IMMP2L: variants seen among roughly 807,000 people sequenced by gnomAD.
IMMP2L encodes mitochondrial inner membrane protease subunit 2.
In IMMP2L, 18 loss-of-function variants were observed where a neutral mutation model predicts 19.3. The ratio of observed to expected loss-of-function variants is 0.93; its 90% CI spans 0.64 to 1.38. IMMP2L has a LOEUF of 1.38. Among genes scored for constraint, IMMP2L ranks in the 40% most tolerant of loss-of-function variants. IMMP2L has a pLI of 0.00. For synonymous variants in IMMP2L, 76 were observed against 73.0 expected, an observed-to-expected ratio of 1.04 and a Z score of -0.21; for missense variants, 233 against 218.2, an observed-to-expected ratio of 1.07 and a Z score of -0.43.
chr7:111,298,433 T>A (rs959601440), intron 3 of IMMP2L, among the ~76,000 whole-genome samples: 1 of 152,092 alleles, frequency 6.6e-6, no homozygotes, highest in African/African-American at 2.4e-5. Context: ...AAATGCTATG[T>A]AAGTATTTGT....
intron 1 of IMMP2L, among the ~76,000 whole-genome samples, chr7:111,548,576 A>G (rs1849156105): frequency 6.6e-6 from 1 of 152,154 alleles, no homozygotes; most frequent in Admixed American, 6.6e-5. Flanking sequence ...TACTAACAGG[A>G]GATGACAATT....
chr7:110,798,663 G>A (rs1018815306), intron 5 of IMMP2L, among the ~76,000 whole-genome samples: 1 of 151,938 alleles, frequency 6.6e-6, no homozygotes, highest in Non-Finnish European at 1.5e-5. Flanking sequence ...AGCGGGGGTG[G>A]AGGGGAATAC....
chr7:110,814,547 T>C (rs1215755609), intron 5 of IMMP2L, among the ~76,000 whole-genome samples: 5 of 151,160 alleles, frequency 3.3e-5, no homozygotes, highest in Non-Finnish European at 7.4e-5. Flanking sequence ...ATAAACTGTT[T>C]TGGCTGTTAA....
chr7:110,918,668 C>T (rs1481634440), intron 4 of IMMP2L, among the ~76,000 whole-genome samples: 2 of 151,788 alleles, frequency 1.3e-5, no homozygotes, highest in Non-Finnish European at 2.9e-5. Flanking sequence ...GTTGGCCAGG[C>T]TGGTCTTGAA....
chr7:111,328,390 T>C (rs549620410), intron 3 of IMMP2L, among the ~76,000 whole-genome samples: 19 of 151,882 alleles, frequency 1.3e-4, no homozygotes, highest in African/African-American at 4.6e-4. Flanking sequence ...TACTTAGAAA[T>C]GCATTTACAT....
At chr7:111,318,299 C>T (rs12538096) in intron 3 of IMMP2L, among the ~76,000 whole-genome samples, 149,953 of 152,196 alleles carry the variant, frequency 0.99, 73,909 homozygotes, top group East Asian at 1. Flanking sequence ...ATGTGGAAGC[C>T]AATGGAGAAC....
chr7:110,846,406 C>A (rs894435559), intron 5 of IMMP2L, among the ~76,000 whole-genome samples: 10 of 149,116 alleles, frequency 6.7e-5, no homozygotes, highest in African/African-American at 2.5e-4. Context: ...CACTTCGTCA[C>A]CCAGGCTGGA....
chr7:111,535,042 T>C (rs1040142155), intron 1 of IMMP2L, among the ~76,000 whole-genome samples: 3 of 152,118 alleles, frequency 2.0e-5, no homozygotes, highest in African/African-American at 7.2e-5. Flanking sequence ...AGGAGGGAGT[T>C]AATAGTGCTC....
chr7:111,158,128 T>C (rs1804848483), intron 3 of IMMP2L, among the ~76,000 whole-genome samples: 1 of 151,908 alleles, frequency 6.6e-6, no homozygotes, highest in African/African-American at 2.4e-5. Context: ...AAATAATACT[T>C]TATTATATTT....
At chr7:110,836,830 T>C (rs948054809) in intron 5 of IMMP2L, among the ~76,000 whole-genome samples, 1 of 152,142 alleles carries the variant, frequency 6.6e-6, no homozygotes, top group Non-Finnish European at 1.5e-5. Flanking sequence ...GCCAATTGAA[T>C]TGGAAAACAA....
At chr7:111,496,160 A>G (rs1218365992) in intron 2 of IMMP2L, among the ~76,000 whole-genome samples, 2 of 152,194 alleles carry the variant, frequency 1.3e-5, no homozygotes, top group Non-Finnish European at 2.9e-5. Flanking sequence ...CCTTTGAAAG[A>G]ATGCGGACAA....
intron 3 of IMMP2L, among the ~76,000 whole-genome samples, chr7:111,032,204 G>T (rs1294687212): frequency 6.6e-6 from 1 of 152,154 alleles, no homozygotes; most frequent in African/African-American, 2.4e-5. Flanking sequence ...GCCTCCCACA[G>T]TGCTGGGATT....
At chr7:111,149,314 T>C (rs777785748) in intron 3 of IMMP2L, among the ~76,000 whole-genome samples, 7 of 152,126 alleles carry the variant, frequency 4.6e-5, no homozygotes, top group Non-Finnish European at 7.4e-5. Flanking sequence ...ATATTGAAGA[T>C]GCATGTAAAA....
chr7:111,428,151 A>T (rs887921554), intron 3 of IMMP2L, among the ~76,000 whole-genome samples: 26 of 151,802 alleles, frequency 1.7e-4, no homozygotes, highest in African/African-American at 6.1e-4. Flanking sequence ...ATTCTAGGAG[A>T]GTGATTTTCT....
intron 1 of IMMP2L, among the ~76,000 whole-genome samples, chr7:111,550,567 A>G (rs1251382705): frequency 6.6e-6 from 1 of 152,108 alleles, no homozygotes; most frequent in African/African-American, 2.4e-5. Flanking sequence ...AGTAAATGGG[A>G]TATCTCTGTA....
intron 3 of IMMP2L, among the ~76,000 whole-genome samples, chr7:111,323,122 G>A (rs775065990): frequency 2.0e-5 from 3 of 151,660 alleles, no homozygotes; most frequent in Non-Finnish European, 4.4e-5. Flanking sequence ...AACAAAAGCA[G>A]AAGGAAATTA....
At chr7:111,454,675 C>T (rs1381306700) in intron 3 of IMMP2L, among the ~76,000 whole-genome samples, 1 of 151,858 alleles carries the variant, frequency 6.6e-6, no homozygotes, top group Non-Finnish European at 1.5e-5. Flanking sequence ...ATTAGATGGG[C>T]TTTTATAAAG....
chr7:110,724,043 A>T (rs1015051143), intron 5 of IMMP2L: 1 of 152,102 alleles, frequency 6.6e-6, no homozygotes, highest in Non-Finnish European at 1.5e-5. Flanking sequence ...CTTCAATATC[A>T]TTTCTAGTTA....
At chr7:111,287,710 T>C (rs1315173869) in intron 3 of IMMP2L, among the ~76,000 whole-genome samples, 2 of 152,034 alleles carry the variant, frequency 1.3e-5, no homozygotes, top group South Asian at 2.1e-4. Flanking sequence ...TTGGAGGGAA[T>C]TGATGATTAT....
Sources: allele counts gnomAD v4.1 joint callset (sites outside exome capture counted in the v4.1 genomes callset), GRCh38; gene constraint gnomAD v4.1.1; transcripts MANE v1.5; gene names NCBI Gene and HGNC (gene_info 2026-07-23, HGNC 2026-07-21).